Variants in TRPM8 observed in about 807,000 individuals in gnomAD.
The protein encoded by TRPM8 is TRPM8 cationic channel.
TRPM8 carries 110 observed loss-of-function variants against 133.7 expected under a neutral mutation model. The observed-to-expected ratio is 0.82, with a 90% CI of 0.70 to 0.96. TRPM8 has a LOEUF of 0.96. TRPM8 is among the 40% of genes least tolerant of loss of function. The probability of loss-of-function intolerance (pLI) is 0.00; values close to 1 mark genes in which losing one functional copy is unlikely to be tolerated. For synonymous variants in TRPM8, 535 were observed against 532.3 expected, an observed-to-expected ratio of 1.01 and a Z score of -0.07; for missense variants, 1,291 against 1,379.5, an observed-to-expected ratio of 0.94 and a Z score of 1.02.
At chr2:233,953,431 A>G (rs11563215) in intron 9 of TRPM8, among the ~76,000 whole-genome samples, 5,123 of 152,372 alleles carry the variant, frequency 0.034, 142 homozygotes, top group Admixed American at 0.078. Flanking sequence ...TTAAAATTAA[A>G]CATTACAGAA....
At chr2:233,957,224 G>T (rs2125156336) in intron 11 of TRPM8, among the ~76,000 whole-genome samples, 1 of 152,246 alleles carries the variant, frequency 6.6e-6, no homozygotes, top group African/African-American at 2.4e-5. Flanking sequence ...AGAGGCTCAT[G>T]TCTGTAATCC....
At chr2:233,945,007 T>C (rs2125111938) in intron 6 of TRPM8, among the ~76,000 whole-genome samples, 1 of 152,288 alleles carries the variant, frequency 6.6e-6, no homozygotes, top group South Asian at 2.1e-4. Context: ...GCACAATCTT[T>C]TAACCACTAT....
At chr2:233,996,219 A>G (rs976180645) in intron 21 of TRPM8, 107 bp from the exon 22 acceptor site, 64 of 999,096 alleles carry the variant, frequency 6.4e-5, no homozygotes, top group Non-Finnish European at 8.6e-5. Flanking sequence ...TCCTGTCTGT[A>G]CTTAAGCTAT....
intron 17 of TRPM8, among the ~76,000 whole-genome samples, chr2:233,971,524 G>C (rs933364233): frequency 6.6e-6 from 1 of 152,156 alleles, no homozygotes; most frequent in African/African-American, 2.4e-5. Flanking sequence ...ATGGGGAATG[G>C]AGCTGGGATG....
chr2:233,958,869 A>G (rs917435), intron 11 of TRPM8, among the ~76,000 whole-genome samples: 57,438 of 151,926 alleles, frequency 0.38, 17,285 homozygotes, highest in African/African-American at 0.81. Flanking sequence ...GATCAGGCAC[A>G]CAATGTAAGA....
Position 233,989,865 on chromosome 2 carries a change from C to T in TRPM8, c.2939+4000C>T, listed in dbSNP as rs1054554665. Among the ~76,000 whole-genome samples, 1 of 152,134 alleles carries T rather than the reference C, an allele frequency of 6.6e-6. No homozygotes were observed. Among genetic ancestry groups the T allele is most frequent in the Admixed American group, 6.5e-5 (1 of 15,272 alleles). The stretch of plus-strand genomic sequence containing the variant: ...TTAAAGTCAGTAAATGACTCCAGGT[C>T]GACTTACCAGGAGCTAGGGCATTTA... On this transcript the variant is annotated intron_variant, in intron 21 of 25. Transcript: ENST00000324695. The surrounding 1 kb of genome is among the most constrained non-coding windows in gnomAD (Gnocchi z 4.2).
At chr2:233,919,785 T>G (rs1691372596) in intron 1 of TRPM8, among the ~76,000 whole-genome samples, 1 of 152,158 alleles carries the variant, frequency 6.6e-6, no homozygotes. Flanking sequence ...GATGGAGATG[T>G]ATGTTTCATG....
At chr2:233,977,791 A>G (rs1429470990) in intron 17 of TRPM8, among the ~76,000 whole-genome samples, 2 of 152,208 alleles carry the variant, frequency 1.3e-5, no homozygotes, top group Non-Finnish European at 2.9e-5. Context: ...AATAATGGTT[A>G]TTGGCAGAGA....
chr2:233,951,192 T>C (rs1279118230), intron 9 of TRPM8, among the ~76,000 whole-genome samples: 1 of 152,118 alleles, frequency 6.6e-6, no homozygotes, highest in Non-Finnish European at 1.5e-5. Context: ...ATGGAGCCAT[T>C]GCACTCTAGT....
At chr2:233,997,883 A>T (rs1485871797) in intron 22 of TRPM8, among the ~76,000 whole-genome samples, 1 of 152,040 alleles carries the variant, frequency 6.6e-6, no homozygotes, top group African/African-American at 2.4e-5. Context: ...TGTCAGCCAC[A>T]TGTCCTTTGA....
At chr2:233,984,622 C>T (rs1574761237) in intron 20 of TRPM8, among the ~76,000 whole-genome samples, 3 of 152,302 alleles carry the variant, frequency 2.0e-5, no homozygotes, top group African/African-American at 7.2e-5. Context: ...CGTGAGCCAT[C>T]CTCGTCGCTT....
chr2:233,972,903 G>T (rs987831832), intron 17 of TRPM8, among the ~76,000 whole-genome samples: 3 of 152,254 alleles, frequency 2.0e-5, no homozygotes, highest in African/African-American at 7.2e-5. Flanking sequence ...GGCCAGCCCA[G>T]AAAGGGGCTC....
Position 233,937,467 on chromosome 2 carries a change from C to T in TRPM8, c.306C>T (p.Ala102=), listed in dbSNP as rs752966092. 3.7e-6 allele frequency: 6 copies of T among 1,613,996 alleles called. No homozygotes were observed. The highest frequency in any genetic ancestry group is 2.7e-5 in the African/African-American group (2 of 74,930). ...ACACCAAGGAATTTCCTACCGACGC[C>T]TTTGGGGATATTCAGTTTGAGACAC... The part of the protein sequence containing the change: ...KKHTKEFPTD[A]FGDIQFETLG... Residue 102 remains alanine (A), a synonymous_variant, in exon 4 of 26, where the codon GCC becomes GCT. Coordinates refer to ENST00000324695, the MANE Select transcript of TRPM8 (RefSeq NM_024080.5).
At chr2:233,945,594 T>A (rs1397796054) in intron 6 of TRPM8, among the ~76,000 whole-genome samples, 2 of 152,192 alleles carry the variant, frequency 1.3e-5, no homozygotes, top group East Asian at 3.8e-4. Context: ...AGAATGGGAC[T>A]GGGAATCTGA....
intron 3 of TRPM8, 92 bp downstream of exon 3, chr2:233,930,833 T>A (rs1361597717): frequency 1.3e-6 from 1 of 774,184 alleles, no homozygotes; most frequent in East Asian, 2.5e-5. Context: ...TAGTTCATTA[T>A]TAAAGATGTC....
At chr2:233,929,568 C>T (rs1359716833) in intron 2 of TRPM8, 9 of 152,224 alleles carry the variant, frequency 5.9e-5, no homozygotes, top group African/African-American at 2.2e-4. Context: ...TATCTGGTGA[C>T]CTGTGGGAAG....
chr2:233,995,771 T>A (rs1453415648), intron 21 of TRPM8, among the ~76,000 whole-genome samples: 1 of 152,186 alleles, frequency 6.6e-6, no homozygotes, highest in Non-Finnish European at 1.5e-5. Context: ...ATGGTGCTGG[T>A]GGCCAACAGT....
chr2:234,001,340 G>A (rs1015453956), intron 22 of TRPM8, among the ~76,000 whole-genome samples: 3 of 152,126 alleles, frequency 2.0e-5, no homozygotes, highest in Non-Finnish European at 4.4e-5. Flanking sequence ...ATATGCCGTG[G>A]TGCCATATTT....
chr2:233,939,587 C>T (rs2108809), intron 5 of TRPM8, among the ~76,000 whole-genome samples: 57,221 of 152,134 alleles, frequency 0.38, 16,950 homozygotes, highest in African/African-American at 0.79. Context: ...GTGAGCACCA[C>T]AGAAGTGTCT....
Sources: gnomAD v4.1 joint callset for allele counts (sites outside exome capture counted in the v4.1 genomes callset) on GRCh38, gnomAD v4.1.1 for gene constraint, Gnocchi (gnomAD v3.1) non-coding constraint, MANE v1.5 for transcripts, NCBI Gene and HGNC (gene_info 2026-07-23, HGNC 2026-07-21) for gene names.